Variants in HCN1 observed in about 807,000 individuals in gnomAD.
HCN1 encodes the protein potassium/sodium hyperpolarization-activated cyclic nucleotide-gated channel 1.
Under a neutral mutation model 78.9 loss-of-function variants are expected in HCN1, and 13 were observed. The ratio of observed to expected loss-of-function variants is 0.16; its 90% CI spans 0.11 to 0.26. The LOEUF is 0.26. Ranked by LOEUF, HCN1 falls within the 10% of genes least tolerant of loss-of-function variation. HCN1 has a pLI of 1.00. For missense variants in HCN1, 810 were observed against 1,154.3 expected, an observed-to-expected ratio of 0.70 and a Z score of 4.32; for synonymous variants, 552 against 455.5, an observed-to-expected ratio of 1.21 and a Z score of -2.70.
intron 5 of HCN1, among the ~76,000 whole-genome samples, chr5:45,311,375 G>C (rs947102315): frequency 5.3e-5 from 8 of 152,062 alleles, no homozygotes; most frequent in African/African-American, 1.9e-4. Context: ...GATTTCAAAT[G>C]TTACTATTTA....
chr5:45,363,705 A>G (rs941371200), intron 4 of HCN1, among the ~76,000 whole-genome samples: 2 of 151,802 alleles, frequency 1.3e-5, no homozygotes, highest in East Asian at 3.9e-4. Flanking sequence ...TTCCTGTGCT[A>G]TTCTTGTGAT....
chr5:45,455,077 A>G (rs1474710295), intron 3 of HCN1, among the ~76,000 whole-genome samples: 1 of 151,950 alleles, frequency 6.6e-6, no homozygotes, highest in African/African-American at 2.4e-5. Flanking sequence ...TCGGTTTTTC[A>G]TAGATTTTAT....
At chr5:45,676,057 GATTT>G (rs1317093985) in intron 1 of HCN1, among the ~76,000 whole-genome samples, 1 of 151,754 alleles carries the variant, frequency 6.6e-6, no homozygotes, top group Non-Finnish European at 1.5e-5. Context: ...TGCTTCACAT[GATTT>G]ATAAAGGATG....
intron 5 of HCN1, among the ~76,000 whole-genome samples, chr5:45,347,158 C>T (rs1466560568): frequency 6.6e-6 from 1 of 152,194 alleles, no homozygotes; most frequent in Non-Finnish European, 1.5e-5. Context: ...GGCTACTTCT[C>T]TGACACAAAA....
chr5:45,547,969 AT>A (rs1295380694), intron 2 of HCN1, among the ~76,000 whole-genome samples: 2 of 152,038 alleles, frequency 1.3e-5, no homozygotes, highest in African/African-American at 4.8e-5. Flanking sequence ...TCAAATCACT[AT>A]TTGTGTTCTA....
chr5:45,323,538 C>T (rs540892376), intron 5 of HCN1, among the ~76,000 whole-genome samples: 5 of 151,580 alleles, frequency 3.3e-5, no homozygotes, highest in Admixed American at 6.6e-5. Flanking sequence ...ACAAGACAAA[C>T]ATAGAGTAAA....
At chr5:45,337,173 G>T (rs921004331) in intron 5 of HCN1, among the ~76,000 whole-genome samples, 7 of 151,922 alleles carry the variant, frequency 4.6e-5, no homozygotes, top group African/African-American at 1.5e-4. Flanking sequence ...GCTCTGCATT[G>T]AATGACTAAT....
intron 3 of HCN1, among the ~76,000 whole-genome samples, chr5:45,432,696 G>T (rs887476987): frequency 6.6e-6 from 1 of 152,110 alleles, no homozygotes; most frequent in Admixed American, 6.6e-5. Context: ...CATATGAAGA[G>T]ATGTTGAATT....
chr5:45,479,310 G>C (rs1030769508), intron 2 of HCN1, among the ~76,000 whole-genome samples: 2 of 152,066 alleles, frequency 1.3e-5, no homozygotes, highest in African/African-American at 4.8e-5. Flanking sequence ...TTGGAAGCTT[G>C]AACTATGAAT....
At position 45,695,799 on chromosome 5, in the gene HCN1, T is replaced by TGAACTGCCTCTGCATGAAGCC. The variant is rs747066400; in HGVS notation, c.274_294dup (p.Gly92_Phe98dup). 21 of 1,610,350 alleles carry TGAACTGCCTCTGCATGAAGCC rather than the reference T, an allele frequency of 1.3e-5. No homozygotes were observed. The highest frequency in any genetic ancestry group is 2.2e-5 in the East Asian group (1 of 44,758). ...TTGACCCCGGGCTGCAGCATGGAGG[T>TGAACTGCCTCTGCATGAAGCC]GAACTGCCTCTGCATGAAGCCGTAC... On this transcript the variant is annotated inframe_insertion, in exon 1 of 8. Transcript: ENST00000303230.
At chr5:45,276,179 C>T (rs1289552727) in intron 6 of HCN1, among the ~76,000 whole-genome samples, 4 of 152,082 alleles carry the variant, frequency 2.6e-5, no homozygotes, top group African/African-American at 9.7e-5. Context: ...GGTTATTTGT[C>T]TCCAAAATAT....
chr5:45,458,869 G>T (rs1270803968), intron 3 of HCN1, among the ~76,000 whole-genome samples: 1 of 152,072 alleles, frequency 6.6e-6, no homozygotes, highest in Non-Finnish European at 1.5e-5. Flanking sequence ...TTTGTATATA[G>T]TAAGTGTATT....
chr5:45,695,627 C>A (rs947237881), intron 1 of HCN1, 42 bp downstream of exon 1: 11 of 1,590,062 alleles, frequency 6.9e-6, no homozygotes, highest in Admixed American at 1.7e-5. Context: ...CGTTTCAGGG[C>A]GCGCCTGAAG....
intron 2 of HCN1, among the ~76,000 whole-genome samples, chr5:45,585,321 G>A (rs899202987): frequency 2.6e-5 from 4 of 151,876 alleles, no homozygotes; most frequent in Non-Finnish European, 2.9e-5. Context: ...TCATCAAATC[G>A]GCTACTGAGG....
rs149560542 is a variant in HCN1 at position 45,395,155 on chromosome 5, A to G, written c.1230+1337T>C. On this transcript the variant is annotated intron_variant, in intron 4 of 7. Coordinates refer to ENST00000303230, the MANE Select transcript of HCN1 (RefSeq NM_021072.4). Reference sequence around the variant, plus strand: ...TTGAGAAAATGTATAGCAATGATGCAGACCAAAAAAAAAAGTGTGAAAGGG... The same window carrying G: ...TTGAGAAAATGTATAGCAATGATGCGGACCAAAAAAAAAAGTGTGAAAGGG... Among the ~76,000 whole-genome samples the G allele has an allele frequency of 2.8e-3, 424 of 152,264 alleles. 2 individuals are homozygous for G. The highest frequency in any genetic ancestry group is 9.7e-3 in the African/African-American group (403 of 41,556).
intron 6 of HCN1, among the ~76,000 whole-genome samples, chr5:45,288,980 C>T (rs1260853620): frequency 1.3e-5 from 2 of 151,984 alleles, no homozygotes; most frequent in Non-Finnish European, 2.9e-5. Context: ...ACAAAGTAAC[C>T]GCAGGACATC....
intron 5 of HCN1, among the ~76,000 whole-genome samples, chr5:45,349,173 C>T (rs1249398211): frequency 6.6e-6 from 1 of 152,194 alleles, no homozygotes; most frequent in South Asian, 2.1e-4. Context: ...AACAAACTGT[C>T]TCTCAGACCA....
At chr5:45,450,891 T>A (rs1248583853) in intron 3 of HCN1, among the ~76,000 whole-genome samples, 1 of 152,158 alleles carries the variant, frequency 6.6e-6, no homozygotes, top group Non-Finnish European at 1.5e-5. Context: ...CAATGGTGAA[T>A]GGTCTCAATG....
At chr5:45,304,442 C>T (rs1450247100) in intron 5 of HCN1, among the ~76,000 whole-genome samples, 1 of 151,918 alleles carries the variant, frequency 6.6e-6, no homozygotes, top group East Asian at 1.9e-4. Context: ...CTTTGGGAGG[C>T]CAAGGCGGGT....
Sources: allele counts gnomAD v4.1 joint callset (sites outside exome capture counted in the v4.1 genomes callset), GRCh38; gene constraint gnomAD v4.1.1; transcripts MANE v1.5; gene names NCBI Gene and HGNC (gene_info 2026-07-23, HGNC 2026-07-21).